Variants in FAM53B observed in about 807,000 individuals in gnomAD.
FAM53B encodes the protein protein FAM53B.
Under a neutral mutation model 32.7 loss-of-function variants are expected in FAM53B, and 12 were observed. The ratio of observed to expected loss-of-function variants is 0.37; its 90% CI spans 0.24 to 0.59. The LOEUF is 0.59. Among genes scored for constraint, FAM53B ranks in the 20% least tolerant of loss-of-function variants. The pLI is 0.72. For synonymous variants in FAM53B, 234 were observed against 228.7 expected (o/e 1.02, Z -0.21); for missense variants, 477 against 577.7 (o/e 0.83, Z 1.79).
chr10:124,625,043 C>T (rs575506178), intron 4 of FAM53B, among the ~76,000 whole-genome samples: 7 of 152,348 alleles, frequency 4.6e-5, no homozygotes, highest in Admixed American at 1.3e-4. Context: ...CCTCGCCGCA[C>T]GCCTGCTGAC....
rs933267405 is a variant in FAM53B at position 124,696,272 on chromosome 10, C to T, written c.79-60G>A. On this transcript the variant is annotated intron_variant, in intron 2 of 4. Transcript: ENST00000337318. ...ATCATAGGAAGCATGTTTGCACTGA[C>T]TCTACTGATCCCTTCTAAAGTCACA... 23 of 1,355,636 alleles carry T rather than the reference C, an allele frequency of 1.7e-5. No individual in the cohort carries two copies. In the African/African-American group the frequency reaches 3.1e-4, roughly 19 times the overall value. 84.0% of individuals were successfully genotyped at this position (1,355,636 alleles called of 1,614,324 possible). A position where few individuals can be genotyped will look rare whatever the true frequency, so the allele number is the denominator to read the frequency against.
At chr10:124,712,403 C>A (rs543530924) in intron 1 of FAM53B, among the ~76,000 whole-genome samples, 6 of 152,112 alleles carry the variant, frequency 3.9e-5, no homozygotes, top group Non-Finnish European at 8.8e-5. Context: ...GAGGATAATA[C>A]CTTTGCCCTG....
intron 4 of FAM53B, chr10:124,667,327 T>C (rs1476532682): frequency 1.1e-5 from 8 of 704,618 alleles, no homozygotes; most frequent in East Asian, 2.7e-5. Context: ...AAATTATATA[T>C]GTGGCTTGAG....
At chr10:124,737,697 A>G (rs1950180816) in intron 1 of FAM53B, among the ~76,000 whole-genome samples, 1 of 152,132 alleles carries the variant, frequency 6.6e-6, no homozygotes, top group South Asian at 2.1e-4. Flanking sequence ...ACACAATTCT[A>G]TGAAATGTAA....
chr10:124,656,011 C>A lies in FAM53B; in HGVS notation c.906+25596G>T, dbSNP rs567023402. The stretch of plus-strand genomic sequence containing the variant: ...AGAACGGGATCCATCCAGCAGCAGG[C>A]AATGGGGCATTGCTTCTGTTTTTCC... On this transcript the variant is annotated intron_variant, in intron 4 of 4. Transcript: ENST00000337318. 1.1e-4 allele frequency among the ~76,000 whole-genome samples: 17 copies of A among 152,360 alleles called. 1 individual carries two copies. The South Asian group carries it at 3.5e-3, about 32-fold the overall frequency.
At chr10:124,691,837 G>A (rs1386613130) in intron 3 of FAM53B, among the ~76,000 whole-genome samples, 6 of 152,200 alleles carry the variant, frequency 3.9e-5, no homozygotes, top group South Asian at 2.1e-4. Flanking sequence ...GAGTCCACGC[G>A]TGGCCCCGCT....
rs954596856 is a variant in FAM53B, at chr10:124,620,175, G to A, written c.*3067C>T. 3.3e-5 allele frequency: 5 copies of A among 152,662 alleles called. No individual in the cohort carries two copies. Among genetic ancestry groups the A allele is most frequent in the African/African-American group, 1.2e-4 (5 of 41,452 alleles). 9.5% of individuals were successfully genotyped at this position (152,662 alleles called of 1,614,324 possible). On this transcript the variant is annotated 3_prime_UTR_variant, in exon 5 of 5. Transcript: ENST00000337318. ...AAATCTGTACGTCTGGTCAGAACAA[G>A]CTCCCCACGGGCCCAGGTGCACGTC...
At chr10:124,678,143 G>A (rs1003061958) in intron 4 of FAM53B, among the ~76,000 whole-genome samples, 1 of 152,196 alleles carries the variant, frequency 6.6e-6, no homozygotes, top group Non-Finnish European at 1.5e-5. Flanking sequence ...AGCAGACTGA[G>A]GGCACCTCCC....
intron 4 of FAM53B, among the ~76,000 whole-genome samples, chr10:124,680,218 G>C (rs1297402902): frequency 6.6e-6 from 1 of 152,196 alleles, no homozygotes; most frequent in East Asian, 1.9e-4. Flanking sequence ...AACTAGCTGA[G>C]AAGAGGCAAG....
chr10:124,643,555 G>T (rs949152565), intron 4 of FAM53B, among the ~76,000 whole-genome samples: 1 of 152,278 alleles, frequency 6.6e-6, no homozygotes, highest in African/African-American at 2.4e-5. Context: ...CAGCGGGGGG[G>T]TGCAGGGCTG....
chr10:124,647,023 CAGA>C (rs112585352), intron 4 of FAM53B, among the ~76,000 whole-genome samples: 2,411 of 152,268 alleles, frequency 0.016, 34 homozygotes, highest in African/African-American at 0.026. Flanking sequence ...GAACTGGGAG[CAGA>C]AGGAGAACAG....
At chr10:124,666,057 T>C (rs563246346) in intron 4 of FAM53B, among the ~76,000 whole-genome samples, 1 of 152,332 alleles carries the variant, frequency 6.6e-6, no homozygotes, top group African/African-American at 2.4e-5. Flanking sequence ...AATCAATGCA[T>C]GCTGATTTGA....
intron 1 of FAM53B, among the ~76,000 whole-genome samples, chr10:124,736,563 T>TGGCCAA: frequency 6.6e-6 from 1 of 152,392 alleles, no homozygotes; most frequent in Admixed American, 6.5e-5. Flanking sequence ...CCCAGGCCCA[T>TGGCCAA]GGCCAAGGCC....
intron 1 of FAM53B, among the ~76,000 whole-genome samples, chr10:124,736,567 C>T (rs1950175222): frequency 6.6e-6 from 1 of 152,288 alleles, no homozygotes; most frequent in Admixed American, 6.5e-5. Flanking sequence ...GGCCCATGGC[C>T]AAGGCCAATG....
In FAM53B at chr10:124,621,048, CG is replaced by C. The variant is rs1202794857; in HGVS notation, c.*2193del. 3 of 152,204 alleles carry C rather than the reference CG, an allele frequency of 2.0e-5. No individual in the cohort carries two copies. Among genetic ancestry groups the C allele is most frequent in the Non-Finnish European group, 4.4e-5 (3 of 68,044 alleles). 9.4% of individuals were successfully genotyped at this position (152,204 alleles called of 1,614,324 possible). On this transcript the variant is annotated 3_prime_UTR_variant, in exon 5 of 5. Coordinates refer to ENST00000337318, the MANE Select transcript of FAM53B (RefSeq NM_014661.4). ...GCAGGTCACCCACACCCCAGTCCCA[CG>C]ACATATACCTGTCACCATGTGCCTC...
Position 124,623,412 on chromosome 10 carries a change from G to C in FAM53B, c.1099C>G (p.Leu367Val). The change falls in exon 5 of 5, where the codon CTC becomes GTC. Residue 367 changes from leucine to valine, a missense_variant. Physicochemically the swap from Leu to Val is conservative, Grantham distance 32 (BLOSUM62 1). Transcript: ENST00000337318. ...EPLPPSFDDH[L>V]ACQEDLSCEE... ...CAGGACAGGTCCTCCTGGCAGGCGA[G>C]GTGGTCGTCGAAGGAAGGGGGAAGA... 1.2e-6 allele frequency: 2 copies of C among 1,609,784 alleles called. No homozygotes were observed. Among genetic ancestry groups the C allele is most frequent in the South Asian group, 1.1e-5 (1 of 90,804 alleles).
chr10:124,706,584 C>T (rs2134085662), intron 2 of FAM53B, 52 bp downstream of exon 2: 2 of 1,610,960 alleles, frequency 1.2e-6, no homozygotes, highest in Non-Finnish European at 1.7e-6. Flanking sequence ...CCTGTCTGTA[C>T]ATCAGGCCTC....
intron 4 of FAM53B, among the ~76,000 whole-genome samples, chr10:124,639,647 C>T (rs1949457637): frequency 6.6e-6 from 1 of 152,204 alleles, no homozygotes; most frequent in Non-Finnish European, 1.5e-5. Context: ...CACACCTCAA[C>T]ATAACTATGA....
At chr10:124,704,946 G>T (rs911399726) in intron 2 of FAM53B, among the ~76,000 whole-genome samples, 6 of 152,234 alleles carry the variant, frequency 3.9e-5, no homozygotes, top group Non-Finnish European at 5.9e-5. Flanking sequence ...CAGCAAATGT[G>T]AACTGGAAAG....
Sources: gnomAD v4.1 joint callset for allele counts (sites outside exome capture counted in the v4.1 genomes callset) on GRCh38, gnomAD v4.1.1 for gene constraint, MANE v1.5 for transcripts, NCBI Gene and HGNC (gene_info 2026-07-23, HGNC 2026-07-21) for gene names.